The following CCDC24 variants were observed in gnomAD, a reference collection of about 807,000 sequenced individuals.
The protein encoded by CCDC24 is coiled-coil domain-containing protein 24.
Under a neutral mutation model 31.6 loss-of-function variants are expected in CCDC24, and 34 were observed. The ratio of observed to expected loss-of-function variants is 1.08; its 90% CI spans 0.82 to 1.43. The LOEUF is 1.43. Ranked by LOEUF, CCDC24 falls within the 40% of genes most tolerant of loss-of-function variation. The pLI is 0.00. For missense variants in CCDC24, 426 were observed against 391.1 expected (o/e 1.09, Z -0.75); for synonymous variants, 175 against 157.3 (o/e 1.11, Z -0.84).
At chr1:43,994,653 G>T in intron 5 of CCDC24, 1 of 172,474 alleles carries the variant, frequency 5.8e-6, no homozygotes, top group Non-Finnish European at 1.2e-5. Flanking sequence ...GTGTTAGCCA[G>T]GATGGTCTCG....
Position 43,992,627 on chromosome 1 carries a change from G to T in CCDC24, c.407G>T (p.Gly136Val), listed in dbSNP as rs780096688. 17 of 1,614,212 alleles carry T rather than the reference G, an allele frequency of 1.1e-5. No individual in the cohort carries two copies. The South Asian group carries it at 1.6e-4, about 16-fold the overall frequency. Residue 136 changes from glycine to valine, a missense_variant, in exon 4 of 9, where the codon GGT becomes GTT. By Grantham distance (109) the Gly-to-Val change is moderately radical. Transcript: ENST00000372318. The part of the protein sequence containing the change: ...LPEQEIFQMR[G>V]GGPSSGHRDL... ...GAACAGGAGATATTCCAGATGAGAG[G>T]TGGTGGGCCCAGGTAAGGTGATGGT...
At chr1:43,991,773 A>C (rs1302545641) in intron 1 of CCDC24, 27 bp downstream of exon 1, 1 of 1,425,128 alleles carries the variant, frequency 7.0e-7, no homozygotes, top group African/African-American at 1.4e-5. Flanking sequence ...GGCGGGGCCC[A>C]TAGAGGGGCG....
chr1:43,995,072 G>T lies in CCDC24; in HGVS notation c.498-36G>T. The T allele has an allele frequency of 6.4e-7, 1 of 1,557,766 alleles. No individual in the cohort carries two copies. The highest frequency in any genetic ancestry group is 8.7e-7 in the Non-Finnish European group (1 of 1,150,928). On this transcript the variant is annotated intron_variant, in intron 5 of 8. Transcript: ENST00000372318. The surrounding 1 kb of genome is among the most constrained non-coding windows in gnomAD (Gnocchi z 4.3). ...GGACTCAGCTGAGCCCTGGTCCTGT[G>T]TCTCGGGTTCTGGCTGCTGCTCCCT...
rs371107778 is a variant in CCDC24 at position 43,993,930 on chromosome 1, G to A, written c.463G>A (p.Val155Met). The A allele has an allele frequency of 4.6e-5, 74 of 1,614,202 alleles. No homozygotes were observed. Among genetic ancestry groups the A allele is most frequent in the South Asian group, 1.9e-4 (17 of 91,082 alleles). ...DLSIIKDQLN[V>M]SNIDQVARHL... ...CAGCATCATCAAGGACCAACTGAAC[G>A]TGTCCAACATTGACCAGGTGGCCAG... Residue 155 changes from valine to methionine, a missense_variant, in exon 5 of 9, where the codon GTG becomes ATG. Transcript: ENST00000372318.
Position 43,995,342 on chromosome 1 carries a change from T to C in CCDC24, c.552+180T>C, listed in dbSNP as rs2085820798. ...GCAAAATCCTGGAGGCCCAGGATTCTAGTTGAGCCCTTAAGGCCAGGGCCA... is the reference window on the plus strand; with the variant it reads ...GCAAAATCCTGGAGGCCCAGGATTCCAGTTGAGCCCTTAAGGCCAGGGCCA... On this transcript the variant is annotated intron_variant, in intron 6 of 8. Coordinates refer to ENST00000372318, the MANE Select transcript of CCDC24 (RefSeq NM_152499.4). This position sits in a 1 kb window ranked among gnomAD's most constrained non-coding sequence, Gnocchi z 4.3. 7.9e-6 allele frequency: 6 copies of C among 759,042 alleles called. No homozygotes were observed. The highest frequency in any genetic ancestry group is 5.1e-5 in the Admixed American group (2 of 38,980). 47.0% of individuals were successfully genotyped at this position (759,042 alleles called of 1,614,324 possible).
chr1:43,995,692 C>T lies in CCDC24; in HGVS notation c.622+22C>T. ...GCAGGTGAGGACACGGAGCAGGGCC[C>T]AGAACACCCAGCCTCCTGCTCCCAC... On this transcript the variant is annotated intron_variant, in intron 7 of 8. Coordinates refer to ENST00000372318, the MANE Select transcript of CCDC24 (RefSeq NM_152499.4). The surrounding 1 kb of genome is among the most constrained non-coding windows in gnomAD (Gnocchi z 4.3). 6.2e-7 allele frequency: 1 copy of T among 1,613,396 alleles called. No homozygotes were observed. The highest frequency in any genetic ancestry group is 8.5e-7 in the Non-Finnish European group (1 of 1,179,594).
At chr1:43,992,118 C>G in intron 2 of CCDC24, 94 bp from the exon 3 acceptor site, 1 of 1,515,238 alleles carries the variant, frequency 6.6e-7, no homozygotes, top group African/African-American at 1.4e-5. Flanking sequence ...ATCCTGGTCT[C>G]CCCTTTGACT....
At position 43,995,863 on chromosome 1, in the gene CCDC24, C is replaced by A; in HGVS notation, c.701+7C>A. On this transcript the variant is annotated splice_region_variant and intron_variant, in intron 8 of 8. Transcript: ENST00000372318. This position sits in a 1 kb window ranked among gnomAD's most constrained non-coding sequence, Gnocchi z 4.3. ...GTGTCTCTCCCAACCACAGGTAAAC[C>A]ACAACAGTAGACACAGGGCAGGGTG... 6.2e-7 allele frequency: 1 copy of A among 1,614,216 alleles called. No individual in the cohort carries two copies. The highest frequency in any genetic ancestry group is 2.2e-5 in the East Asian group (1 of 44,888).
In CCDC24 at chr1:43,995,172, A is replaced by G. The variant is rs2085815275; in HGVS notation, c.552+10A>G. The stretch of plus-strand genomic sequence containing the variant: ...GATCCTCATCCTGCAGGTGAGCCGC[A>G]GCCCTGGGCCCTCCCCCGAGCCTCA... On this transcript the variant is annotated intron_variant, in intron 6 of 8. Transcript: ENST00000372318. The surrounding 1 kb of genome is among the most constrained non-coding windows in gnomAD (Gnocchi z 4.3). The G allele has an allele frequency of 4.5e-6, 7 of 1,562,094 alleles. No individual in the cohort carries two copies. The highest frequency in any genetic ancestry group is 6.1e-6 in the Non-Finnish European group (7 of 1,154,176).
chr1:43,993,808 A>T (rs780476572), intron 4 of CCDC24, 79 bp from the exon 5 acceptor site: 2 of 1,329,102 alleles, frequency 1.5e-6, no homozygotes, highest in Non-Finnish European at 2.2e-6. Flanking sequence ...GAAAAGAAAC[A>T]GTTGCCTAGA....
Position 43,992,394 on chromosome 1 carries a change from G to A in CCDC24, c.302+7G>A. 10 of 1,614,112 alleles carry A rather than the reference G, an allele frequency of 6.2e-6. No individual in the cohort carries two copies. Among genetic ancestry groups the A allele is most frequent in the South Asian group, 1.1e-5 (1 of 91,084 alleles). On this transcript the variant is annotated splice_region_variant and intron_variant, in intron 3 of 8. Coordinates refer to ENST00000372318, the MANE Select transcript of CCDC24 (RefSeq NM_152499.4). Reference sequence around the variant, plus strand: ...AAGCCATCTGTGAGGGCAGGTGGGAGCCTCAGGCCTGGGCCCTTTCCCTAG... The same window carrying A: ...AAGCCATCTGTGAGGGCAGGTGGGAACCTCAGGCCTGGGCCCTTTCCCTAG...
At chr1:43,992,160 C>A in intron 2 of CCDC24, 52 bp from the exon 3 acceptor site, 1 of 1,557,952 alleles carries the variant, frequency 6.4e-7, no homozygotes, top group South Asian at 1.2e-5. Context: ...CAGCCCCCAC[C>A]ATTCCGGACA....
Position 43,995,193 on chromosome 1 carries a change from C to T in CCDC24, c.552+31C>T. 6.4e-7 allele frequency: 1 copy of T among 1,550,622 alleles called. No homozygotes were observed. Reference sequence around the variant, plus strand: ...CCGCAGCCCTGGGCCCTCCCCCGAGCCTCACTGCTGAGCGTAGACTCTCAC... The same window carrying T: ...CCGCAGCCCTGGGCCCTCCCCCGAGTCTCACTGCTGAGCGTAGACTCTCAC... On this transcript the variant is annotated intron_variant, in intron 6 of 8. Transcript: ENST00000372318. The surrounding 1 kb of genome is among the most constrained non-coding windows in gnomAD (Gnocchi z 4.3).
Position 43,991,837 on chromosome 1 carries a change from C to A in CCDC24, c.-32-10C>A. 3 of 1,544,862 alleles carry A rather than the reference C, an allele frequency of 1.9e-6. No homozygotes were observed. The highest frequency in any genetic ancestry group is 1.4e-5 in the African/African-American group (1 of 73,084). On this transcript the variant is annotated splice_polypyrimidine_tract_variant and intron_variant, in intron 1 of 8. Transcript: ENST00000372318. ...GCGGTACCTCCCGCACTCTGACCTG[C>A]GGCCCGTAGGTCCGAGCCGGGGACG... is the stretch of plus-strand genomic sequence containing the variant.
chr1:43,994,898 G>A (rs1173863611), intron 5 of CCDC24: 19 of 591,452 alleles, frequency 3.2e-5, no homozygotes, highest in Middle Eastern at 4.4e-4. Flanking sequence ...TGAGGCAGGC[G>A]AGGGGAAGAT....
In CCDC24 at chr1:43,995,765, ATC is replaced by A; in HGVS notation, c.623-8_623-7del. ...AAGAGCTGGGCACTGTCTCAGCCCAATCTCTCCTTCAGAGCTAAAGGAACAGA... is the reference window on the plus strand; with the variant it reads ...AAGAGCTGGGCACTGTCTCAGCCCAATCTCCTTCAGAGCTAAAGGAACAGA... On this transcript the variant is annotated splice_polypyrimidine_tract_variant and intron_variant, in intron 7 of 8. Coordinates refer to ENST00000372318, the MANE Select transcript of CCDC24 (RefSeq NM_152499.4). The surrounding 1 kb of genome is among the most constrained non-coding windows in gnomAD (Gnocchi z 4.3). The A allele has an allele frequency of 1.2e-6, 2 of 1,614,194 alleles. No individual in the cohort carries two copies. The highest frequency in any genetic ancestry group is 1.7e-6 in the Non-Finnish European group (2 of 1,180,000).
chr1:43,996,368 C>T lies in CCDC24; in HGVS notation c.*208C>T. 1.8e-6 allele frequency: 1 copy of T among 545,296 alleles called. No individual in the cohort carries two copies. Among genetic ancestry groups the T allele is most frequent in the Admixed American group, 3.6e-5 (1 of 28,026 alleles). The allele number at this position is 545,296 out of a possible 1,614,324, so 33.8% of individuals were successfully genotyped here. A position where few individuals can be genotyped will look rare whatever the true frequency, so the allele number is the denominator to read the frequency against. ...TGAGTGGCCGGGCATCGGTCCCAAG[C>T]ATCAAAGCCTTTGGCCTTTCTCCTC... On this transcript the variant is annotated 3_prime_UTR_variant, in exon 9 of 9. Transcript: ENST00000372318.
In CCDC24 at chr1:43,996,267, T is replaced by G; in HGVS notation, c.*107T>G. 5.7e-6 allele frequency: 6 copies of G among 1,052,650 alleles called. No homozygotes were observed. Among genetic ancestry groups the G allele is most frequent in the Non-Finnish European group, 6.7e-6 (5 of 745,214 alleles). The allele number at this position is 1,052,650 out of a possible 1,614,324, so 65.2% of individuals were successfully genotyped here. A position where few individuals can be genotyped will look rare whatever the true frequency, so the allele number is the denominator to read the frequency against. Reference sequence around the variant, plus strand: ...AGCTTCAGATCTGGTCTTGGCGAGCTCTCGCCAGGACCCCAAGGCTGTTGG... The same window carrying G: ...AGCTTCAGATCTGGTCTTGGCGAGCGCTCGCCAGGACCCCAAGGCTGTTGG... On this transcript the variant is annotated 3_prime_UTR_variant, in exon 9 of 9. Transcript: ENST00000372318.
intron 5 of CCDC24, chr1:43,994,343 G>A (rs2085792381): frequency 8.9e-6 from 2 of 223,998 alleles, no homozygotes; most frequent in South Asian, 1.8e-4. Context: ...TTACTTGGGA[G>A]GCTGAGGTGA....
Sources: gnomAD v4.1 joint callset for allele counts on GRCh38, gnomAD v4.1.1 for gene constraint, Gnocchi (gnomAD v3.1) non-coding constraint, MANE v1.5 for transcripts, NCBI Gene and HGNC (gene_info 2026-07-23, HGNC 2026-07-21) for gene names.